KIRREL3: variants seen among roughly 807,000 people sequenced by gnomAD.
KIRREL3 encodes the protein kirre like nephrin family adhesion molecule 3.
Under a neutral mutation model 89.7 loss-of-function variants are expected in KIRREL3, and 36 were observed. The ratio of observed to expected loss-of-function variants is 0.40; its 90% CI spans 0.31 to 0.53. The LOEUF (loss-of-function observed/expected upper bound fraction) is 0.53, where lower values mean the gene tolerates loss of function less well. Among genes scored for constraint, KIRREL3 ranks in the 20% least tolerant of loss-of-function variants. The pLI is 0.49. For synonymous variants in KIRREL3, 445 were observed against 441.4 expected (o/e 1.01, Z -0.10); for missense variants, 864 against 1,056.6 (o/e 0.82, Z 2.53).
chr11:126,737,658 C>T (rs1033082617), intron 1 of KIRREL3, among the ~76,000 whole-genome samples: 4 of 152,160 alleles, frequency 2.6e-5, no homozygotes, highest in East Asian at 3.9e-4. Context: ...TCGGAATTCT[C>T]CAGTAGAGGG....
At position 126,631,429 on chromosome 11, in the gene KIRREL3, G is replaced by T. The variant is rs545045406; in HGVS notation, c.56-68517C>A. Among the ~76,000 whole-genome samples the T allele has an allele frequency of 2.0e-5, 3 of 152,162 alleles. No individual in the cohort carries two copies. In the South Asian group the frequency reaches 6.2e-4, roughly 32 times the overall value. ...ACCTATTCACAGACAGTTTGAAGTT[G>T]TTCATATGCAGAATCGGAAGATTCT... On this transcript the variant is annotated intron_variant, in intron 1 of 16. Coordinates refer to ENST00000525144, the MANE Select transcript of KIRREL3 (RefSeq NM_032531.4).
intron 1 of KIRREL3, among the ~76,000 whole-genome samples, chr11:126,613,075 TTTTA>T (rs1362780024): frequency 6.6e-6 from 1 of 152,164 alleles, no homozygotes; most frequent in African/African-American, 2.4e-5. Context: ...TCTGAGGAGT[TTTTA>T]TTTGACTTTT....
In KIRREL3 at chr11:126,530,576, C is replaced by G. The variant is rs956229215; in HGVS notation, c.134-3889G>C. Among the ~76,000 whole-genome samples, 6 of 152,192 alleles carry G rather than the reference C, an allele frequency of 3.9e-5. No homozygotes were observed. The highest frequency in any genetic ancestry group is 3.3e-4 in the Admixed American group (5 of 15,288). On this transcript the variant is annotated intron_variant, in intron 2 of 16. Coordinates refer to ENST00000525144, the MANE Select transcript of KIRREL3 (RefSeq NM_032531.4). This position sits in a 1 kb window ranked among gnomAD's most constrained non-coding sequence, Gnocchi z 5.8. ...AGGCACTGTGCTGTCTGGTGAGGAGCAGGGGAACAGGCCTGGCCACCCCTC... is the reference window on the plus strand; with the variant it reads ...AGGCACTGTGCTGTCTGGTGAGGAGGAGGGGAACAGGCCTGGCCACCCCTC...
chr11:126,866,656 CA>C (rs998615386), intron 1 of KIRREL3, among the ~76,000 whole-genome samples: 27 of 151,954 alleles, frequency 1.8e-4, no homozygotes, highest in South Asian at 1.7e-3. Context: ...ACTGCCCCCC[CA>C]CACACACTGA....
intron 1 of KIRREL3, among the ~76,000 whole-genome samples, chr11:126,821,351 A>ATATATATATATG (rs756545626): frequency 1.4e-4 from 15 of 105,228 alleles, no homozygotes; most frequent in African/African-American, 6.1e-4. Flanking sequence ...ATATATATAT[A>ATATATATATATG]TGTAACTTCC....
At position 126,898,597 on chromosome 11, in the gene KIRREL3, T is replaced by G. The variant is rs561453692; in HGVS notation, c.55+101858A>C. ...TTGAAAGCAGAAACAGAATTATATC[T>G]GTAGCACAATGTCCTTTAGGTAAAT... On this transcript the variant is annotated intron_variant, in intron 1 of 16. Transcript: ENST00000525144. The surrounding 1 kb of genome is among the most constrained non-coding windows in gnomAD (Gnocchi z 4.9). Among the ~76,000 whole-genome samples, 1 of 152,336 alleles carries G rather than the reference T, an allele frequency of 6.6e-6. No homozygotes were observed. Among genetic ancestry groups the G allele is most frequent in the Non-Finnish European group, 1.5e-5 (1 of 68,034 alleles).
intron 1 of KIRREL3, among the ~76,000 whole-genome samples, chr11:126,925,354 G>A (rs1200861495): frequency 6.6e-6 from 1 of 152,240 alleles, no homozygotes; most frequent in Non-Finnish European, 1.5e-5. Flanking sequence ...TGCCTGTGGT[G>A]GCGGGGGGAG....
rs2134334024 is a variant in KIRREL3, at chr11:126,490,264, CTG to C, written c.434-16800_434-16799del. Among the ~76,000 whole-genome samples, 1 of 151,812 alleles carries C rather than the reference CTG, an allele frequency of 6.6e-6. No homozygotes were observed. Among genetic ancestry groups the C allele is most frequent in the East Asian group, 1.9e-4 (1 of 5,160 alleles). On this transcript the variant is annotated intron_variant, in intron 4 of 16. Transcript: ENST00000525144. This position sits in a 1 kb window ranked among gnomAD's most constrained non-coding sequence, Gnocchi z 4.2. ...GGGGGAGGCAAGGCAGCTTTACTTT[CTG>C]TGTATGTTTATTTTAGACTCCCATT...
Position 126,876,270 on chromosome 11 carries a change from A to C in KIRREL3, c.55+124185T>G, listed in dbSNP as rs1398672536. The stretch of plus-strand genomic sequence containing the variant: ...TGACCTGCAGAGGTGCTGTTCAGGA[A>C]GAAACAGATCTGCTGGAGGCAACGA... On this transcript the variant is annotated intron_variant, in intron 1 of 16. Coordinates refer to ENST00000525144, the MANE Select transcript of KIRREL3 (RefSeq NM_032531.4). This position sits in a 1 kb window ranked among gnomAD's most constrained non-coding sequence, Gnocchi z 4.1. 1.1e-4 allele frequency among the ~76,000 whole-genome samples: 17 copies of C among 152,224 alleles called. No homozygotes were observed. The highest frequency in any genetic ancestry group is 1.8e-4 in the Non-Finnish European group (12 of 68,044).
chr11:126,503,322 C>G (rs753204547), intron 4 of KIRREL3, among the ~76,000 whole-genome samples: 3 of 152,028 alleles, frequency 2.0e-5, no homozygotes, highest in Non-Finnish European at 4.4e-5. Flanking sequence ...TGTGGGCACT[C>G]GGGTAGGTAC....
chr11:126,775,280 G>A (rs1316351518), intron 1 of KIRREL3, among the ~76,000 whole-genome samples: 1 of 152,182 alleles, frequency 6.6e-6, no homozygotes, highest in East Asian at 1.9e-4. Flanking sequence ...TAGAGGCATT[G>A]GAAGCTGGTT....
At chr11:126,497,337 C>T (rs141526286) in intron 4 of KIRREL3, among the ~76,000 whole-genome samples, 1 of 152,030 alleles carries the variant, frequency 6.6e-6, no homozygotes, top group East Asian at 1.9e-4. Context: ...AGAGAGACTC[C>T]CTTTTCCCCA....
intron 1 of KIRREL3, among the ~76,000 whole-genome samples, chr11:126,928,384 T>G (rs1055218496): frequency 3.3e-5 from 5 of 152,246 alleles, no homozygotes; most frequent in Non-Finnish European, 5.9e-5. Context: ...TTGAAATCCT[T>G]CCTACTTCAT....
rs75870860 is a variant in KIRREL3 at position 126,724,054 on chromosome 11, G to A, written c.56-161142C>T. On this transcript the variant is annotated intron_variant, in intron 1 of 16. Coordinates refer to ENST00000525144, the MANE Select transcript of KIRREL3 (RefSeq NM_032531.4). This position sits in a 1 kb window ranked among gnomAD's most constrained non-coding sequence, Gnocchi z 4.3. Reference sequence around the variant, plus strand: ...GAGAAATGCTGAGGCTGTTCCATTTGAGCCTTTTTGTCTTGCTTGGCTCTT... The same window carrying A: ...GAGAAATGCTGAGGCTGTTCCATTTAAGCCTTTTTGTCTTGCTTGGCTCTT... 2.6e-3 allele frequency among the ~76,000 whole-genome samples: 393 copies of A among 152,242 alleles called. 2 individuals carry two copies. Among genetic ancestry groups the A allele is most frequent in the African/African-American group, 9.0e-3 (372 of 41,542 alleles).
chr11:126,449,633 GCACA>G (rs144643651), intron 7 of KIRREL3, among the ~76,000 whole-genome samples: 5 of 149,092 alleles, frequency 3.4e-5, no homozygotes, highest in Non-Finnish European at 7.4e-5. Flanking sequence ...GTGTGCACGA[GCACA>G]CACACACACA....
At chr11:126,792,445 T>G (rs1565735459) in intron 1 of KIRREL3, among the ~76,000 whole-genome samples, 1 of 152,230 alleles carries the variant, frequency 6.6e-6, no homozygotes, top group Non-Finnish European at 1.5e-5. Flanking sequence ...GAGCCTAGGC[T>G]GAAACCAAGC....
At chr11:126,711,005 G>A (rs2134144180) in intron 1 of KIRREL3, among the ~76,000 whole-genome samples, 1 of 152,188 alleles carries the variant, frequency 6.6e-6, no homozygotes, top group South Asian at 2.1e-4. Context: ...CCCCTCCTTG[G>A]GGCAAGGAGA....
chr11:126,702,256 C>T (rs1451653243), intron 1 of KIRREL3, among the ~76,000 whole-genome samples: 2 of 152,240 alleles, frequency 1.3e-5, no homozygotes, highest in East Asian at 3.9e-4. Context: ...ATAGAATGTA[C>T]CCTATTGATG....
chr11:126,787,573 T>G (rs1950519947), intron 1 of KIRREL3, among the ~76,000 whole-genome samples: 1 of 152,244 alleles, frequency 6.6e-6, no homozygotes, highest in South Asian at 2.1e-4. Context: ...GGTTCTTTTT[T>G]CCTGGAAAGA....
Sources: allele counts gnomAD v4.1 joint callset (sites outside exome capture counted in the v4.1 genomes callset), GRCh38; gene constraint gnomAD v4.1.1; non-coding constraint Gnocchi (gnomAD v3.1); transcripts MANE v1.5; gene names NCBI Gene and HGNC (gene_info 2026-07-23, HGNC 2026-07-21).